The following SHC2 variants were observed in gnomAD, a reference collection of about 807,000 sequenced individuals.
SHC2 encodes SHC-transforming protein 2.
Under a neutral mutation model 60.6 loss-of-function variants are expected in SHC2, and 62 were observed. The ratio of observed to expected loss-of-function variants is 1.02; its 90% CI spans 0.83 to 1.26. The LOEUF is 1.26. Ranked by LOEUF, SHC2 falls within the 50% of genes most tolerant of loss-of-function variation. The pLI is 0.00. For synonymous variants in SHC2, 375 were observed against 372.4 expected, an observed-to-expected ratio of 1.01 and a Z score of -0.08; for missense variants, 873 against 822.2, an observed-to-expected ratio of 1.06 and a Z score of -0.76.
At chr19:421,196 A>T (rs957670242) in intron 11 of SHC2, among the ~76,000 whole-genome samples, 1 of 152,070 alleles carries the variant, frequency 6.6e-6, no homozygotes, top group African/African-American at 2.4e-5. Context: ...CAGAAGTTTG[A>T]GAACAGCCTG....
chr19:442,767 GTGGATGGA>G (rs1186043349), intron 1 of SHC2, among the ~76,000 whole-genome samples: 1 of 103,170 alleles, frequency 9.7e-6, no homozygotes, highest in African/African-American at 3.7e-5. Context: ...GAGTGGATGG[GTGGATGGA>G]TGGATGGATG....
intron 12 of SHC2, among the ~76,000 whole-genome samples, chr19:418,280 A>G (rs1312752000): frequency 1.3e-5 from 2 of 152,252 alleles, no homozygotes; most frequent in African/African-American, 4.8e-5. Context: ...AGGCCTGGAC[A>G]CCCAGCACGC....
chr19:461,026 G>T lies in SHC2; in HGVS notation c.-30C>A. 1 of 803,596 alleles carries T rather than the reference G, an allele frequency of 1.2e-6. No individual in the cohort carries two copies. The highest frequency in any genetic ancestry group is 1.5e-6 in the Non-Finnish European group (1 of 663,514). The allele number at this position is 803,596 out of a possible 1,614,324, so 49.8% of individuals were successfully genotyped here. On this transcript the variant is annotated 5_prime_UTR_variant, in exon 1 of 13. Transcript: ENST00000264554. ...GCGGCCGCCCGACGGAGCCCGACCGGGCGCTGCGCCTGGCGCGGAGGAAGC... is the reference window on the plus strand; with the variant it reads ...GCGGCCGCCCGACGGAGCCCGACCGTGCGCTGCGCCTGGCGCGGAGGAAGC...
intron 9 of SHC2, among the ~76,000 whole-genome samples, chr19:427,297 C>A (rs1218598818): frequency 1.3e-5 from 2 of 152,260 alleles, no homozygotes; most frequent in South Asian, 2.1e-4. Flanking sequence ...GGACTGGCAC[C>A]GCCGGTAACG....
chr19:429,668 G>A (rs554392401), intron 9 of SHC2, among the ~76,000 whole-genome samples: 8 of 139,910 alleles, frequency 5.7e-5, no homozygotes, highest in Non-Finnish European at 9.2e-5. Context: ...ATCTCATACC[G>A]TGTGGATGAC....
At position 422,190 on chromosome 19, in the gene SHC2, C is replaced by T. The variant is rs758356304; in HGVS notation, c.1576G>A (p.Ala526Thr). 2.0e-5 allele frequency: 32 copies of T among 1,612,308 alleles called. No homozygotes were observed. The highest frequency in any genetic ancestry group is 2.2e-5 in the East Asian group (1 of 44,850). The change falls in exon 11 of 13, where the codon GCC (alanine) becomes ACC (threonine). Residue 526 changes from alanine (A) to threonine (T), a missense_variant. Coordinates refer to ENST00000264554, the MANE Select transcript of SHC2 (RefSeq NM_012435.3). This position sits in a 1 kb window ranked among gnomAD's most constrained non-coding sequence, Gnocchi z 5.0. ...AGCAGCAGGTGCTTGGGCTGCCCGG[C>T]GTGCATGCCGGTGAGGACATACTGC... is the stretch of plus-strand genomic sequence containing the variant. The part of the protein sequence containing the change: ...PGQYVLTGMH[A>T]GQPKHLLLVD...
rs1053061553 is a variant in SHC2 at position 446,104 on chromosome 19, G to C, written c.469-5172C>G. ...CACAGAGGGAGATTTGAGAGACAGA[G>C]ACACAGAAGGGAGGGGCCGTGTGCA... On this transcript the variant is annotated intron_variant, in intron 1 of 12. Transcript: ENST00000264554. The surrounding 1 kb of genome is among the most constrained non-coding windows in gnomAD (Gnocchi z 5.4). 4.0e-5 allele frequency among the ~76,000 whole-genome samples: 6 copies of C among 151,696 alleles called. No homozygotes were observed. Among genetic ancestry groups the C allele is most frequent in the Admixed American group, 2.0e-4 (3 of 15,194 alleles).
chr19:425,281 G>C lies in SHC2; in HGVS notation c.1175-50C>G, dbSNP rs764297973. The C allele has an allele frequency of 2.5e-5, 33 of 1,299,526 alleles. No individual in the cohort carries two copies. The highest frequency in any genetic ancestry group is 3.2e-5 in the Admixed American group (1 of 31,662). The allele number at this position is 1,299,526 out of a possible 1,614,324, so 80.5% of individuals were successfully genotyped here. A position where few individuals can be genotyped will look rare whatever the true frequency, so the allele number is the denominator to read the frequency against. ...GGGTCAGCTGGGAGCCAGGCGAGGG[G>C]CTCGCAGGGAGCAAGGCGGGGTCCC... is the stretch of plus-strand genomic sequence containing the variant. On this transcript the variant is annotated intron_variant, in intron 9 of 12. Transcript: ENST00000264554. This position sits in a 1 kb window ranked among gnomAD's most constrained non-coding sequence, Gnocchi z 4.1.
intron 1 of SHC2, among the ~76,000 whole-genome samples, chr19:458,817 T>C (rs1490930494): frequency 7.0e-6 from 1 of 143,284 alleles, no homozygotes; most frequent in Non-Finnish European, 1.5e-5. Flanking sequence ...CGGAAGCGGG[T>C]CTTGGGGAGG....
At chr19:427,684 G>T (rs1284339980) in intron 9 of SHC2, among the ~76,000 whole-genome samples, 1 of 92,786 alleles carries the variant, frequency 1.1e-5, no homozygotes, top group African/African-American at 4.7e-5. Context: ...AGGGAAGGGG[G>T]AACTGCACAC....
At chr19:437,727 C>G (rs990393562) in intron 4 of SHC2, among the ~76,000 whole-genome samples, 1 of 152,112 alleles carries the variant, frequency 6.6e-6, no homozygotes, top group Non-Finnish European at 1.5e-5. Context: ...TGCCCCTCAC[C>G]GCCACCTGCT....
chr19:460,558 G>A lies in SHC2; in HGVS notation c.439C>T (p.Leu147=). The part of the protein sequence containing the change: ...HGWLHPDARV[L]GPGVSYVVRY... ...ACGACGTAGGAGACCCCGGGCCCCAGGACCCTGGCGTCGGGGTGTAGCCAG... is the reference window on the plus strand; with the variant it reads ...ACGACGTAGGAGACCCCGGGCCCCAAGACCCTGGCGTCGGGGTGTAGCCAG... The change falls in exon 1 of 13, where the codon CTG becomes TTG. Residue 147 remains leucine, a synonymous_variant. Coordinates refer to ENST00000264554, the MANE Select transcript of SHC2 (RefSeq NM_012435.3). 1 of 1,416,868 alleles carries A rather than the reference G, an allele frequency of 7.1e-7. No homozygotes were observed. Among genetic ancestry groups the A allele is most frequent in the South Asian group, 1.4e-5 (1 of 70,116 alleles). The allele number at this position is 1,416,868 out of a possible 1,614,324, so 87.8% of individuals were successfully genotyped here. A position where few individuals can be genotyped will look rare whatever the true frequency, so the allele number is the denominator to read the frequency against.
rs759370739 is a variant in SHC2 at position 425,070 on chromosome 19, A to C, written c.1309+27T>G. 1.5e-6 allele frequency: 2 copies of C among 1,358,492 alleles called. No individual in the cohort carries two copies. The highest frequency in any genetic ancestry group is 3.0e-5 in the African/African-American group (2 of 66,736). The allele number at this position is 1,358,492 out of a possible 1,614,324, so 84.2% of individuals were successfully genotyped here. ...TCAGACAACACGGCCACACGCGATG[A>C]CGGCCGCCCCCCAGGCTGCCACATA... On this transcript the variant is annotated intron_variant, in intron 10 of 12. Transcript: ENST00000264554. This position sits in a 1 kb window ranked among gnomAD's most constrained non-coding sequence, Gnocchi z 4.1.
Position 438,497 on chromosome 19 carries a change from A to C in SHC2, c.720+221T>G, listed in dbSNP as rs914364601. On this transcript the variant is annotated intron_variant, in intron 4 of 12. Transcript: ENST00000264554. The surrounding 1 kb of genome is among the most constrained non-coding windows in gnomAD (Gnocchi z 5.0). ...CTGCCCCCACCCACTCCATGCCAGG[A>C]GCGCCCCTGTATCAGGACGGCTCGC... 7.2e-5 allele frequency among the ~76,000 whole-genome samples: 11 copies of C among 152,130 alleles called. No individual in the cohort carries two copies. Among genetic ancestry groups the C allele is most frequent in the Non-Finnish European group, 1.6e-4 (11 of 68,014 alleles).
chr19:429,157 C>G (rs1469454244), intron 9 of SHC2, among the ~76,000 whole-genome samples: 1 of 149,438 alleles, frequency 6.7e-6, no homozygotes, highest in Non-Finnish European at 1.5e-5. Context: ...CTATATCCAA[C>G]ATGCACAGAA....
intron 9 of SHC2, among the ~76,000 whole-genome samples, chr19:429,236 A>G (rs1191423168): frequency 6.8e-6 from 1 of 146,678 alleles, no homozygotes; most frequent in East Asian, 2.1e-4. Context: ...CGTGTGGATG[A>G]CACAGTACCT....
chr19:455,912 A>C (rs1975331540), intron 1 of SHC2, among the ~76,000 whole-genome samples: 2 of 151,886 alleles, frequency 1.3e-5, no homozygotes, highest in South Asian at 4.1e-4. Context: ...TCCCACCTGC[A>C]GGTCCCCTGT....
intron 1 of SHC2, among the ~76,000 whole-genome samples, chr19:455,699 T>TA (rs1156568362): frequency 2.0e-5 from 3 of 152,132 alleles, no homozygotes; most frequent in Non-Finnish European, 4.4e-5. Context: ...CTCAGAAGTC[T>TA]AAAATCAAGG....
rs1975046569 is a variant in SHC2, at chr19:446,176, G to C, written c.469-5244C>G. 6.6e-6 allele frequency among the ~76,000 whole-genome samples: 1 copy of C among 152,180 alleles called. No individual in the cohort carries two copies. Among genetic ancestry groups the C allele is most frequent in the Non-Finnish European group, 1.5e-5 (1 of 68,038 alleles). ...CCCCAGGCACCAGACACGGGAGAGAGGCCTGGGACAGAGCCTCCCTCAGAG... is the reference window on the plus strand; with the variant it reads ...CCCCAGGCACCAGACACGGGAGAGACGCCTGGGACAGAGCCTCCCTCAGAG... On this transcript the variant is annotated intron_variant, in intron 1 of 12. Coordinates refer to ENST00000264554, the MANE Select transcript of SHC2 (RefSeq NM_012435.3). This position sits in a 1 kb window ranked among gnomAD's most constrained non-coding sequence, Gnocchi z 5.4.
Sources: gnomAD v4.1 joint callset for allele counts (sites outside exome capture counted in the v4.1 genomes callset) on GRCh38, gnomAD v4.1.1 for gene constraint, Gnocchi (gnomAD v3.1) non-coding constraint, MANE v1.5 for transcripts, NCBI Gene and HGNC (gene_info 2026-07-23, HGNC 2026-07-21) for gene names.